TEKT2: variants seen among roughly 807,000 people sequenced by gnomAD.
The protein encoded by TEKT2 is tektin 2.
A neutral mutation model predicts 49.8 loss-of-function variants in TEKT2; 45 were observed. The observed-to-expected ratio is 0.90, with a 90% CI of 0.71 to 1.16. TEKT2 has a LOEUF of 1.16. Ranked by LOEUF, TEKT2 falls within the 50% of genes most tolerant of loss-of-function variation. The pLI is 0.00. For synonymous variants in TEKT2, 202 were observed against 224.6 expected, an observed-to-expected ratio of 0.90 and a Z score of 0.90; for missense variants, 523 against 551.4, an observed-to-expected ratio of 0.95 and a Z score of 0.52.
At position 36,086,798 on chromosome 1, in the gene TEKT2, A is replaced by G. The variant is rs1030045907; in HGVS notation, c.583A>G (p.Arg195Gly). 2.5e-5 allele frequency: 40 copies of G among 1,614,034 alleles called. No individual in the cohort carries two copies. Among genetic ancestry groups the G allele is most frequent in the Admixed American group, 3.3e-5 (2 of 60,006 alleles). Residue 195 changes from arginine to glycine, a missense_variant, in exon 5 of 10, where the codon AGA (arginine) becomes GGA (glycine). Physicochemically the swap from Arg to Gly is moderately radical, Grantham distance 125. Transcript: ENST00000207457. ...CAGAGGCTGTCTCTCTCTCAACCTC[A>G]GATCCCCAAACATCTCGCTGAAGGT... ...IDRGCLSLNL[R>G]SPNISLKVDP... is the part of the protein sequence containing the mutation.
At position 36,088,073 on chromosome 1, in the gene TEKT2, C is replaced by T. The variant is rs749521797; in HGVS notation, c.1180C>T (p.Arg394Trp). The T allele has an allele frequency of 2.7e-5, 44 of 1,612,716 alleles. No individual in the cohort carries two copies. Among genetic ancestry groups the T allele is most frequent in the Middle Eastern group, 1.6e-4 (1 of 6,064 alleles). ...MLLDTKCMDTRRKLTVPAERF... is the reference protein window; with the variant it reads ...MLLDTKCMDTWRKLTVPAERF... ...GCTGGACACCAAGTGCATGGACACA[C>T]GGCGCAAGCTGACCGTGCCTGCTGA... Residue 394 changes from arginine to tryptophan, a missense_variant, in exon 10 of 10, where the codon CGG becomes TGG. Physicochemically the swap from Arg to Trp is moderately radical, Grantham distance 101 (BLOSUM62 -3). Coordinates refer to ENST00000207457, the MANE Select transcript of TEKT2 (RefSeq NM_014466.3).
Position 36,087,908 on chromosome 1 carries a change from C to T in TEKT2, c.1080-65C>T, listed in dbSNP as rs1643411215. 3 of 1,590,274 alleles carry T rather than the reference C, an allele frequency of 1.9e-6. No individual in the cohort carries two copies. Among genetic ancestry groups the T allele is most frequent in the South Asian group, 1.1e-5 (1 of 88,896 alleles). On this transcript the variant is annotated intron_variant, in intron 9 of 9. Coordinates refer to ENST00000207457, the MANE Select transcript of TEKT2 (RefSeq NM_014466.3). This position sits in a 1 kb window ranked among gnomAD's most constrained non-coding sequence, Gnocchi z 4.9. The stretch of plus-strand genomic sequence containing the variant: ...CTGGGGCTGTCTTCCTGACTGAAGG[C>T]TATGCACGCAGCCCAGGCCTCCCAG...
At chr1:36,085,313 G>C (rs200957944) in intron 3 of TEKT2, 25 bp downstream of exon 3, 123 of 1,612,840 alleles carry the variant, frequency 7.6e-5, no homozygotes, top group Admixed American at 5.5e-4. Flanking sequence ...CTGGGTGCCC[G>C]GGGGCTGCTG....
Position 36,085,056 on chromosome 1 carries a change from C to A in TEKT2, c.135C>A (p.Leu45=). 6.2e-7 allele frequency: 1 copy of A among 1,614,130 alleles called. No individual in the cohort carries two copies. The highest frequency in any genetic ancestry group is 8.5e-7 in the Non-Finnish European group (1 of 1,180,046). ...SHQIRQEARV[L]RNETNNQTIW... ...AGATCCGCCAGGAGGCCCGGGTGCTCCGCAACGAGACCAACAACCAGGTTG... is the reference window on the plus strand; with the variant it reads ...AGATCCGCCAGGAGGCCCGGGTGCTACGCAACGAGACCAACAACCAGGTTG... Residue 45 remains leucine (L), a synonymous_variant, in exon 2 of 10, where the codon CTC becomes CTA. Transcript: ENST00000207457.
In TEKT2 at chr1:36,084,737, AG is replaced by A; in HGVS notation, c.-52-130del. ...ACCTCACACAAAGTTGAGTAAAGCAAGGGCTGTCTCCAAGCAGGCTTCCAGC... is the reference window on the plus strand; with the variant it reads ...ACCTCACACAAAGTTGAGTAAAGCAAGGCTGTCTCCAAGCAGGCTTCCAGC... On this transcript the variant is annotated intron_variant, in intron 1 of 9. Transcript: ENST00000207457. This position sits in a 1 kb window ranked among gnomAD's most constrained non-coding sequence, Gnocchi z 4.1. 1.2e-6 allele frequency: 1 copy of A among 809,490 alleles called. No individual in the cohort carries two copies. The allele number at this position is 809,490 out of a possible 1,614,324, so 50.1% of individuals were successfully genotyped here.
chr1:36,086,805 C>T lies in TEKT2; in HGVS notation c.590C>T (p.Pro197Leu), dbSNP rs1248706955. Residue 197 changes from proline to leucine, a missense_variant, in exon 5 of 10, where the codon CCA (proline) becomes CTA (leucine). Coordinates refer to ENST00000207457, the MANE Select transcript of TEKT2 (RefSeq NM_014466.3). ...TGTCTCTCTCTCAACCTCAGATCCC[C>T]AAACATCTCGCTGAAGGTTGACCCC... ...RGCLSLNLRS[P>L]NISLKVDPTR... The T allele has an allele frequency of 2.5e-6, 4 of 1,614,140 alleles. No individual in the cohort carries two copies. Among genetic ancestry groups the T allele is most frequent in the Non-Finnish European group, 3.4e-6 (4 of 1,180,034 alleles).
chr1:36,085,212 A>G lies in TEKT2; in HGVS notation c.206A>G (p.Asp69Gly), dbSNP rs756015745. Reference sequence around the variant, plus strand: ...AGGACTCGACTGGTGGAGAGGATTGATACTGTCAACCGGTGGAAGGAGATG... The same window carrying G: ...AGGACTCGACTGGTGGAGAGGATTGGTACTGTCAACCGGTGGAAGGAGATG... ...DNRTRLVERI[D>G]TVNRWKEMLD... Residue 69 changes from aspartate (D) to glycine (G), a missense_variant, in exon 3 of 10, where the codon GAT becomes GGT. By Grantham distance (94) the Asp-to-Gly change is moderately conservative. Coordinates refer to ENST00000207457, the MANE Select transcript of TEKT2 (RefSeq NM_014466.3). 1 of 1,614,186 alleles carries G rather than the reference A, an allele frequency of 6.2e-7. No individual in the cohort carries two copies. Among genetic ancestry groups the G allele is most frequent in the South Asian group, 1.1e-5 (1 of 91,082 alleles).
Position 36,085,221 on chromosome 1 carries a change from A to G in TEKT2, c.215A>G (p.Asn72Ser), listed in dbSNP as rs1643349739. Reference sequence around the variant, plus strand: ...CTGGTGGAGAGGATTGATACTGTCAACCGGTGGAAGGAGATGCTGGACAAG... The same window carrying G: ...CTGGTGGAGAGGATTGATACTGTCAGCCGGTGGAAGGAGATGCTGGACAAG... Reference protein sequence around the residue: ...TRLVERIDTVNRWKEMLDKCL... With the variant: ...TRLVERIDTVSRWKEMLDKCL... The change falls in exon 3 of 10, where the codon AAC becomes AGC. Residue 72 changes from asparagine (N) to serine (S), a missense_variant. Transcript: ENST00000207457. 10 of 1,614,196 alleles carry G rather than the reference A, an allele frequency of 6.2e-6. No individual in the cohort carries two copies. Among genetic ancestry groups the G allele is most frequent in the Non-Finnish European group, 8.5e-6 (10 of 1,180,038 alleles).
In TEKT2 at chr1:36,084,476, C is replaced by T; in HGVS notation, c.-53+327C>T. 3.8e-6 allele frequency: 1 copy of T among 263,526 alleles called. No individual in the cohort carries two copies. 16.3% of individuals were successfully genotyped at this position (263,526 alleles called of 1,614,324 possible). A position where few individuals can be genotyped will look rare whatever the true frequency, so the allele number is the denominator to read the frequency against. On this transcript the variant is annotated intron_variant, in intron 1 of 9. Transcript: ENST00000207457. This position sits in a 1 kb window ranked among gnomAD's most constrained non-coding sequence, Gnocchi z 4.1. ...TAGATCCCCCACGGGGACTGGCCCGCAGCCTGGGGAAGAAAGGAAAGGAAG... is the reference window on the plus strand; with the variant it reads ...TAGATCCCCCACGGGGACTGGCCCGTAGCCTGGGGAAGAAAGGAAAGGAAG...
In TEKT2 at chr1:36,087,748, C is replaced by A; in HGVS notation, c.1020C>A (p.Asp340Glu). 6.2e-7 allele frequency: 1 copy of A among 1,613,800 alleles called. No individual in the cohort carries two copies. The highest frequency in any genetic ancestry group is 8.5e-7 in the Non-Finnish European group (1 of 1,179,998). The change falls in exon 9 of 10, where the codon GAC (aspartate) becomes GAA (glutamate). Residue 340 changes from aspartate (D) to glutamate (E), a missense_variant. Asp to Glu is a conservative substitution (Grantham distance 45, BLOSUM62 2). Coordinates refer to ENST00000207457, the MANE Select transcript of TEKT2 (RefSeq NM_014466.3). The surrounding 1 kb of genome is among the most constrained non-coding windows in gnomAD (Gnocchi z 4.9). Reference sequence around the variant, plus strand: ...TCCAGGCACAGTACGGCCTCACCGACGAGGTTCACCAGCTAGAGGCAACCA... The same window carrying A: ...TCCAGGCACAGTACGGCCTCACCGAAGAGGTTCACCAGCTAGAGGCAACCA... The part of the protein sequence containing the change: ...CRDQAQYGLT[D>E]EVHQLEATIA...
Position 36,087,599 on chromosome 1 carries a change from G to C in TEKT2, c.999+17G>C. Reference sequence around the variant, plus strand: ...CGGGACCAGGTGAGAGGGTGTCCCAGTGGCGCACGGGCCCCCTAGCCAAGG... The same window carrying C: ...CGGGACCAGGTGAGAGGGTGTCCCACTGGCGCACGGGCCCCCTAGCCAAGG... On this transcript the variant is annotated intron_variant, in intron 8 of 9. Coordinates refer to ENST00000207457, the MANE Select transcript of TEKT2 (RefSeq NM_014466.3). The surrounding 1 kb of genome is among the most constrained non-coding windows in gnomAD (Gnocchi z 4.9). 6.2e-7 allele frequency: 1 copy of C among 1,613,690 alleles called. No individual in the cohort carries two copies. The highest frequency in any genetic ancestry group is 8.5e-7 in the Non-Finnish European group (1 of 1,180,016).
rs201950973 is a variant in TEKT2 at position 36,088,151 on chromosome 1, A to G, written c.1258A>G (p.Ser420Gly). ...TFTRTTNSTL[S>G]PLKSCQLELA is the part of the protein sequence containing the mutation. ...CACACGTACCACAAATAGCACCCTG[A>G]GTCCACTCAAAAGCTGCCAGCTGGA... Residue 420 changes from serine to glycine, a missense_variant, in exon 10 of 10, where the codon AGT becomes GGT. Coordinates refer to ENST00000207457, the MANE Select transcript of TEKT2 (RefSeq NM_014466.3). 4.2e-5 allele frequency: 67 copies of G among 1,603,820 alleles called. No individual in the cohort carries two copies. The African/African-American group carries it at 7.2e-4, about 17-fold the overall frequency.
Position 36,088,147 on chromosome 1 carries a change from C to G in TEKT2, c.1254C>G (p.Thr418=), listed in dbSNP as rs771309583. Residue 418 remains threonine (T), a synonymous_variant, in exon 10 of 10, where the codon ACC becomes ACG. Coordinates refer to ENST00000207457, the MANE Select transcript of TEKT2 (RefSeq NM_014466.3). Reference sequence around the variant, plus strand: ...CCTTCACACGTACCACAAATAGCACCCTGAGTCCACTCAAAAGCTGCCAGC... The same window carrying G: ...CCTTCACACGTACCACAAATAGCACGCTGAGTCCACTCAAAAGCTGCCAGC... ...VDTFTRTTNS[T]LSPLKSCQLE... is the part of the protein sequence containing the mutation. 1 of 1,612,890 alleles carries G rather than the reference C, an allele frequency of 6.2e-7. No individual in the cohort carries two copies. The highest frequency in any genetic ancestry group is 8.5e-7 in the Non-Finnish European group (1 of 1,179,996).
In TEKT2 at chr1:36,087,942, G is replaced by T. The variant is rs1353890482; in HGVS notation, c.1080-31G>T. 1 of 1,598,130 alleles carries T rather than the reference G, an allele frequency of 6.3e-7. No homozygotes were observed. The highest frequency in any genetic ancestry group is 8.5e-7 in the Non-Finnish European group (1 of 1,171,900). ...CAGCCCAGGCCTCCCAGCCTCATGGGGGCTGGGGGGTTGTCAATGTCCTTC... is the reference window on the plus strand; with the variant it reads ...CAGCCCAGGCCTCCCAGCCTCATGGTGGCTGGGGGGTTGTCAATGTCCTTC... On this transcript the variant is annotated intron_variant, in intron 9 of 9. Coordinates refer to ENST00000207457, the MANE Select transcript of TEKT2 (RefSeq NM_014466.3). This position sits in a 1 kb window ranked among gnomAD's most constrained non-coding sequence, Gnocchi z 4.9.
In TEKT2 at chr1:36,087,132, CCCTCGCTTGAGTAATAT is replaced by C. The variant is rs1643391530; in HGVS notation, c.748-67_748-51del. 7 of 1,605,646 alleles carry C rather than the reference CCCTCGCTTGAGTAATAT, an allele frequency of 4.4e-6. No individual in the cohort carries two copies. Among genetic ancestry groups the C allele is most frequent in the Admixed American group, 1.7e-5 (1 of 59,640 alleles). On this transcript the variant is annotated intron_variant, in intron 6 of 9. Transcript: ENST00000207457. This position sits in a 1 kb window ranked among gnomAD's most constrained non-coding sequence, Gnocchi z 4.9. The stretch of plus-strand genomic sequence containing the variant: ...CCCTGCTGTGCATGTGGCCCCCTGC[CCCTCGCTTGAGTAATAT>C]CCTCAGGCAGCCCTGAGTGTAGACC...
At position 36,084,953 on chromosome 1, in the gene TEKT2, G is replaced by A. The variant is rs771520973; in HGVS notation, c.32G>A (p.Arg11His). The A allele has an allele frequency of 1.4e-5, 23 of 1,613,952 alleles. No homozygotes were observed. The highest frequency in any genetic ancestry group is 6.8e-6 in the Non-Finnish European group (8 of 1,180,044). Residue 11 changes from arginine to histidine, a missense_variant, in exon 2 of 10, where the codon CGC becomes CAC. Arg to His is a conservative substitution (Grantham distance 29). Coordinates refer to ENST00000207457, the MANE Select transcript of TEKT2 (RefSeq NM_014466.3). The surrounding 1 kb of genome is among the most constrained non-coding windows in gnomAD (Gnocchi z 4.1). ...ACGCTGAGCGTCAAGCCAAGTCGGC[G>A]CTTCCAGCTGCCCGACTGGCACACT... is the stretch of plus-strand genomic sequence containing the variant. MATLSVKPSR[R>H]FQLPDWHTNS...
Position 36,088,085 on chromosome 1 carries a change from A to T in TEKT2, c.1192A>T (p.Thr398Ser). 6.2e-7 allele frequency: 1 copy of T among 1,613,026 alleles called. No homozygotes were observed. Among genetic ancestry groups the T allele is most frequent in the South Asian group, 1.1e-5 (1 of 91,060 alleles). The change falls in exon 10 of 10, where the codon ACC becomes TCC. Residue 398 changes from threonine to serine, a missense_variant. Physicochemically the swap from Thr to Ser is moderately conservative, Grantham distance 58. Transcript: ENST00000207457. ...GTGCATGGACACACGGCGCAAGCTG[A>T]CCGTGCCTGCTGAGAGGTTCGTGCC... Reference protein sequence around the residue: ...TKCMDTRRKLTVPAERFVPEV... With the variant: ...TKCMDTRRKLSVPAERFVPEV...
Position 36,087,882 on chromosome 1 carries a change from CCTGGGG to C in TEKT2, c.1079+79_1080-82del. 1 of 1,595,618 alleles carries C rather than the reference CCTGGGG, an allele frequency of 6.3e-7. No homozygotes were observed. ...GGGGCCTCTTGCTGGCTGCTGGCTC[CCTGGGG>C]CTGTCTTCCTGACTGAAGGCTATGC... On this transcript the variant is annotated intron_variant, in intron 9 of 9. Coordinates refer to ENST00000207457, the MANE Select transcript of TEKT2 (RefSeq NM_014466.3). The surrounding 1 kb of genome is among the most constrained non-coding windows in gnomAD (Gnocchi z 4.9).
rs1256310455 is a variant in TEKT2, at chr1:36,087,053, G to A, written c.747+8G>A. The A allele has an allele frequency of 6.2e-7, 1 of 1,613,134 alleles. No individual in the cohort carries two copies. The highest frequency in any genetic ancestry group is 8.5e-7 in the Non-Finnish European group (1 of 1,179,422). ...GCTCTAACTATTGCTGAGGTGACAG[G>A]CCACCCACAGCTAATGGATGGTCCC... On this transcript the variant is annotated splice_region_variant and intron_variant, in intron 6 of 9. Coordinates refer to ENST00000207457, the MANE Select transcript of TEKT2 (RefSeq NM_014466.3). The surrounding 1 kb of genome is among the most constrained non-coding windows in gnomAD (Gnocchi z 4.9).
Sources: gnomAD v4.1 joint callset for allele counts on GRCh38, gnomAD v4.1.1 for gene constraint, Gnocchi (gnomAD v3.1) non-coding constraint, MANE v1.5 for transcripts, NCBI Gene and HGNC (gene_info 2026-07-23, HGNC 2026-07-21) for gene names.